The following SYNPR variants were observed in gnomAD, a reference collection of about 807,000 sequenced individuals.
The protein encoded by SYNPR is synaptoporin.
A neutral mutation model predicts 32.9 loss-of-function variants in SYNPR; 23 were observed. That is an observed-to-expected ratio of 0.70 (90% confidence interval 0.50 to 0.99). The LOEUF (loss-of-function observed/expected upper bound fraction) is 0.99, where lower values mean the gene tolerates loss of function less well. Ranked by LOEUF, SYNPR falls within the 50% of genes least tolerant of loss-of-function variation. The probability of loss-of-function intolerance (pLI) is 0.00; values close to 1 mark genes in which losing one functional copy is unlikely to be tolerated. For synonymous variants in SYNPR, 146 were observed against 135.9 expected (o/e 1.07, Z -0.52); for missense variants, 318 against 349.3 (o/e 0.91, Z 0.71).
In SYNPR at chr3:63,501,580, C is replaced by T. The variant is rs74946961; in HGVS notation, c.209+20624C>T. Among the ~76,000 whole-genome samples, 348 of 150,284 alleles carry T rather than the reference C, an allele frequency of 2.3e-3. 3 individuals are homozygous for T. The highest frequency in any genetic ancestry group is 3.8e-3 in the Non-Finnish European group (255 of 67,558). On this transcript the variant is annotated intron_variant, in intron 3 of 5. Coordinates refer to ENST00000478300, the MANE Select transcript of SYNPR (RefSeq NM_001130003.2). The stretch of plus-strand genomic sequence containing the variant: ...AAATGAAAGTAATCACATGTAAACA[C>T]GGTCTGGCACATGATAAGTGCTTAA...
intron 2 of SYNPR, among the ~76,000 whole-genome samples, chr3:63,421,761 T>C (rs897795566): frequency 6.6e-6 from 1 of 152,208 alleles, no homozygotes; most frequent in Non-Finnish European, 1.5e-5. Context: ...CTTTGGTTGT[T>C]GGCAGGATTC....
chr3:63,570,460 T>C (rs1333495977), intron 4 of SYNPR, among the ~76,000 whole-genome samples: 1 of 152,214 alleles, frequency 6.6e-6, no homozygotes, highest in Non-Finnish European at 1.5e-5. Flanking sequence ...CGGTATTCCA[T>C]GTTTTAGTCA....
chr3:63,588,023 A>C (rs930407466), intron 4 of SYNPR, among the ~76,000 whole-genome samples: 4 of 152,126 alleles, frequency 2.6e-5, no homozygotes, highest in African/African-American at 9.7e-5. Context: ...TACTTAGAAA[A>C]ATTTAAAAAT....
chr3:63,585,018 C>G (rs1033423312), intron 4 of SYNPR, among the ~76,000 whole-genome samples: 1 of 152,108 alleles, frequency 6.6e-6, no homozygotes, highest in African/African-American at 2.4e-5. Flanking sequence ...AAGAGCCCTT[C>G]TCTAGGACAC....
At chr3:63,264,888 G>C (rs72878283) in intron 2 of SYNPR, among the ~76,000 whole-genome samples, 12,349 of 148,148 alleles carry the variant, frequency 0.083, 1,455 homozygotes, top group African/African-American at 0.27. Context: ...TCACTATCAC[G>C]ATAACAGCAT....
At chr3:63,495,699 T>C (rs1053411196) in intron 3 of SYNPR, among the ~76,000 whole-genome samples, 2 of 152,206 alleles carry the variant, frequency 1.3e-5, no homozygotes, top group African/African-American at 4.8e-5. Context: ...TTAGAAAAAG[T>C]AGCACTTTTT....
At chr3:63,308,351 T>G (rs1160148867) in intron 2 of SYNPR, among the ~76,000 whole-genome samples, 4 of 150,864 alleles carry the variant, frequency 2.7e-5, no homozygotes, top group Non-Finnish European at 6.0e-5. Flanking sequence ...ATTTTATTTT[T>G]TAACAACTCG....
At chr3:63,588,279 T>C (rs182697551) in intron 4 of SYNPR, among the ~76,000 whole-genome samples, 16 of 152,174 alleles carry the variant, frequency 1.1e-4, no homozygotes, top group Admixed American at 8.5e-4. Flanking sequence ...GAGAAAACAT[T>C]GTAGTCTAGA....
intron 2 of SYNPR, among the ~76,000 whole-genome samples, chr3:63,254,002 T>C (rs2086360997): frequency 6.6e-6 from 1 of 151,956 alleles, no homozygotes; most frequent in Non-Finnish European, 1.5e-5. Context: ...AAATGATGAG[T>C]TCCTGTCCTT....
At position 63,475,679 on chromosome 3, in the gene SYNPR, T is replaced by C. The variant is rs1700886618; in HGVS notation, c.85-5153T>C. On this transcript the variant is annotated intron_variant, in intron 2 of 5. Coordinates refer to ENST00000478300, the MANE Select transcript of SYNPR (RefSeq NM_001130003.2). ...AGAGTCATCCTCAAATGGAGATCTGTCTCTCTAGTTCCTCTATCTCACTTA... is the reference window on the plus strand; with the variant it reads ...AGAGTCATCCTCAAATGGAGATCTGCCTCTCTAGTTCCTCTATCTCACTTA... 2.6e-5 allele frequency among the ~76,000 whole-genome samples: 4 copies of C among 152,076 alleles called. No individual in the cohort carries two copies. In the South Asian group the frequency reaches 8.3e-4, roughly 32 times the overall value.
In SYNPR at chr3:63,556,547, C is replaced by A. The variant is rs776132773; in HGVS notation, c.214C>A (p.His72Asn). 11 of 1,609,188 alleles carry A rather than the reference C, an allele frequency of 6.8e-6. No individual in the cohort carries two copies. The highest frequency in any genetic ancestry group is 1.7e-4 in the Middle Eastern group (1 of 5,916). Residue 72 changes from histidine (H) to asparagine (N), a missense_variant, in exon 4 of 6, where the codon CAC becomes AAC. Transcript: ENST00000478300. ...TCCTTAAATCTGGCAATTTAGGTTG[C>A]ACCAGGTGACGTTTGAGGTGCCCAC... ...DIAFAYPFRL[H>N]QVTFEVPTCE... is the part of the protein sequence containing the mutation.
Position 63,540,928 on chromosome 3 carries a change from C to CA in SYNPR, c.210-15615_210-15614insA, listed in dbSNP as rs60971186. On this transcript the variant is annotated intron_variant, in intron 3 of 5. Transcript: ENST00000478300. ...CACACACACACACACAATCCCCCCC[C>CA]CAACACACACACACACACACACACA... Among the ~76,000 whole-genome samples the CA allele has an allele frequency of 1.7e-3, 199 of 116,380 alleles. 1 individual carries two copies. The highest frequency in any genetic ancestry group is 8.3e-3 in the South Asian group (32 of 3,856). 76.3% of individuals were successfully genotyped at this position (116,380 alleles called of 152,430 possible).
chr3:63,419,067 C>A (rs9829530), intron 2 of SYNPR, among the ~76,000 whole-genome samples: 1 of 152,012 alleles, frequency 6.6e-6, no homozygotes, highest in East Asian at 1.9e-4. Flanking sequence ...TCAAACAGAA[C>A]GGTATCTTAA....
intron 4 of SYNPR, among the ~76,000 whole-genome samples, chr3:63,587,471 T>A (rs1575725089): frequency 1.3e-5 from 2 of 152,214 alleles, no homozygotes; most frequent in Non-Finnish European, 2.9e-5. Context: ...TAGTGTAGAA[T>A]AGTAAGTTAA....
chr3:63,546,014 C>T (rs1037069625), intron 3 of SYNPR, among the ~76,000 whole-genome samples: 1 of 152,088 alleles, frequency 6.6e-6, no homozygotes, highest in Non-Finnish European at 1.5e-5. Context: ...AAAACCAACT[C>T]TAGGACTGTT....
intron 2 of SYNPR, among the ~76,000 whole-genome samples, chr3:63,402,071 C>T (rs1022228059): frequency 1.6e-4 from 24 of 152,140 alleles, no homozygotes; most frequent in African/African-American, 5.8e-4. Flanking sequence ...AGCCTACATG[C>T]TCATAAATGA....
intron 2 of SYNPR, among the ~76,000 whole-genome samples, chr3:63,332,945 A>T (rs1307124172): frequency 2.0e-5 from 3 of 152,126 alleles, no homozygotes; most frequent in African/African-American, 7.2e-5. Context: ...GCTCATAGAT[A>T]TCAGTAATAC....
At chr3:63,613,914 A>T (rs547468139) in intron 5 of SYNPR, among the ~76,000 whole-genome samples, 7 of 152,172 alleles carry the variant, frequency 4.6e-5, no homozygotes, top group African/African-American at 1.7e-4. Context: ...TTCAAAGCCT[A>T]TAGAGATTTC....
At chr3:63,337,545 C>A (rs890895126) in intron 2 of SYNPR, among the ~76,000 whole-genome samples, 3 of 152,140 alleles carry the variant, frequency 2.0e-5, no homozygotes, top group African/African-American at 7.2e-5. Context: ...TACGTCCACA[C>A]AAATAAACTG....
Sources: allele counts gnomAD v4.1 joint callset (sites outside exome capture counted in the v4.1 genomes callset), GRCh38; gene constraint gnomAD v4.1.1; transcripts MANE v1.5; gene names NCBI Gene and HGNC (gene_info 2026-07-23, HGNC 2026-07-21).